PLD5: variants seen among roughly 807,000 people sequenced by gnomAD.
PLD5 encodes phospholipase D family member 5, also known as inactive phospholipase D5.
Under a neutral mutation model 61.1 loss-of-function variants are expected in PLD5, and 36 were observed. The ratio of observed to expected loss-of-function variants is 0.59; its 90% CI spans 0.45 to 0.78. PLD5 has a LOEUF of 0.78. Among genes scored for constraint, PLD5 ranks in the 30% least tolerant of loss-of-function variants. The pLI, the probability that PLD5 is intolerant of heterozygous loss-of-function variation, is 0.00. For missense variants in PLD5, 515 were observed against 644.4 expected (o/e 0.80, Z 2.17); for synonymous variants, 243 against 242.8 (o/e 1.00, Z -0.01).
upstream of PLD5, among the ~76,000 whole-genome samples, chr1:242,525,791 GA>G: frequency 6.6e-6 from 1 of 152,284 alleles, no homozygotes; most frequent in South Asian, 2.1e-4. Context: ...AAACTTTTAG[GA>G]GGACAGGGAT....
At chr1:242,368,244 C>T (rs1279085929) in intron 1 of PLD5, among the ~76,000 whole-genome samples, 1 of 152,096 alleles carries the variant, frequency 6.6e-6, no homozygotes, top group African/African-American at 2.4e-5. Context: ...CCGTATTCAC[C>T]CTATAAAAGC....
At chr1:242,179,322 G>T (rs960461513) in intron 5 of PLD5, among the ~76,000 whole-genome samples, 5 of 152,164 alleles carry the variant, frequency 3.3e-5, no homozygotes, top group African/African-American at 1.2e-4. Flanking sequence ...GGCAATCAAA[G>T]GAGGCCTTGT....
chr1:242,350,476 C>G (rs932004036), intron 1 of PLD5, among the ~76,000 whole-genome samples: 1 of 145,954 alleles, frequency 6.9e-6, no homozygotes, highest in East Asian at 2.0e-4. Context: ...CACACACACA[C>G]AGTTCAGAGC....
chr1:242,417,924 T>G (rs1417479429), intron 1 of PLD5, among the ~76,000 whole-genome samples: 1 of 152,036 alleles, frequency 6.6e-6, no homozygotes, highest in African/African-American at 2.4e-5. Flanking sequence ...GAAAACCAAA[T>G]GCTAAAGGAA....
chr1:242,246,724 C>T (rs1672387692), intron 4 of PLD5, among the ~76,000 whole-genome samples: 1 of 152,120 alleles, frequency 6.6e-6, no homozygotes, highest in Non-Finnish European at 1.5e-5. Context: ...AAATCAAACT[C>T]GGTAAAGTAT....
intron 1 of PLD5, among the ~76,000 whole-genome samples, chr1:242,468,083 A>T (rs1667330518): frequency 6.6e-6 from 1 of 152,240 alleles, no homozygotes; most frequent in South Asian, 2.1e-4. Flanking sequence ...AAAATTAGAG[A>T]GGAAATGAAA....
chr1:242,308,059 G>T (rs935653529), intron 2 of PLD5, among the ~76,000 whole-genome samples: 2 of 152,138 alleles, frequency 1.3e-5, no homozygotes, highest in African/African-American at 4.8e-5. Flanking sequence ...TTTCTATGAA[G>T]TTTCTTATAA....
intron 1 of PLD5, among the ~76,000 whole-genome samples, chr1:242,486,792 C>T (rs1257349153): frequency 2.0e-5 from 3 of 152,208 alleles, no homozygotes; most frequent in Admixed American, 2.0e-4. Flanking sequence ...TTCACAATAG[C>T]AAAGACTTGG....
At chr1:242,097,803 A>C (rs141954514) in intron 9 of PLD5, among the ~76,000 whole-genome samples, 17,907 of 152,170 alleles carry the variant, frequency 0.12, 1,538 homozygotes, top group African/African-American at 0.24. Flanking sequence ...TTGGTGTTTT[A>C]GACATGAAGT....
intron 5 of PLD5, among the ~76,000 whole-genome samples, chr1:242,138,959 A>G (rs531607362): frequency 1.3e-5 from 2 of 152,148 alleles, no homozygotes; most frequent in African/African-American, 2.4e-5. Flanking sequence ...TACTTTTTCT[A>G]TTTTTCATGC....
chr1:242,384,271 G>A (rs919216344), intron 1 of PLD5, among the ~76,000 whole-genome samples: 25 of 152,200 alleles, frequency 1.6e-4, no homozygotes, highest in Admixed American at 1.5e-3. Flanking sequence ...GGTAACAAAG[G>A]TGAAAGAAAC....
intron 2 of PLD5, among the ~76,000 whole-genome samples, chr1:242,328,830 A>G (rs914340223): frequency 6.6e-6 from 1 of 152,198 alleles, no homozygotes; most frequent in African/African-American, 2.4e-5. Flanking sequence ...AGAGCCCATC[A>G]TTGGCAAGAC....
intron 1 of PLD5, among the ~76,000 whole-genome samples, chr1:242,405,554 T>G (rs1432558496): frequency 6.6e-6 from 1 of 151,944 alleles, no homozygotes; most frequent in Non-Finnish European, 1.5e-5. Context: ...TTTTCTCCAG[T>G]CATGAGGAAC....
chr1:242,489,836 T>C (rs1388647782), intron 1 of PLD5, among the ~76,000 whole-genome samples: 1 of 152,192 alleles, frequency 6.6e-6, no homozygotes. Flanking sequence ...GAGAGATCAT[T>C]TCCCGCAGAA....
chr1:242,145,563 A>G (rs1377934962), intron 5 of PLD5, among the ~76,000 whole-genome samples: 1 of 152,210 alleles, frequency 6.6e-6, no homozygotes, highest in East Asian at 1.9e-4. Context: ...TAGGAGATGA[A>G]TGCAAAGATT....
At chr1:242,215,043 A>ATTTTT (rs34759131) in intron 5 of PLD5, among the ~76,000 whole-genome samples, 5 of 120,616 alleles carry the variant, frequency 4.1e-5, no homozygotes, top group Non-Finnish European at 6.8e-5. Flanking sequence ...TGCCTGGCCA[A>ATTTTT]TTTTTTTTTT....
chr1:242,133,033 C>G (rs1663419746), intron 5 of PLD5, among the ~76,000 whole-genome samples: 1 of 151,508 alleles, frequency 6.6e-6, no homozygotes. Flanking sequence ...CTTCCCACCC[C>G]CGCACACCGC....
At chr1:242,298,167 G>A (rs1675824528) in intron 2 of PLD5, among the ~76,000 whole-genome samples, 1 of 152,108 alleles carries the variant, frequency 6.6e-6, no homozygotes, top group African/African-American at 2.4e-5. Context: ...ATGATAGTGA[G>A]TTTGAGTTGG....
intron 1 of PLD5, among the ~76,000 whole-genome samples, chr1:242,482,862 G>A (rs371691444): frequency 1.3e-5 from 2 of 152,158 alleles, no homozygotes; most frequent in Non-Finnish European, 1.5e-5. Context: ...CTGATCTCTC[G>A]GCAGAAACTC....
Sources: allele counts gnomAD v4.1 joint callset (sites outside exome capture counted in the v4.1 genomes callset), GRCh38; gene constraint gnomAD v4.1.1; transcripts MANE v1.5; gene names NCBI Gene and HGNC (gene_info 2026-07-23, HGNC 2026-07-21).